Variants in SEPTIN10 observed in about 807,000 individuals in gnomAD.
The protein encoded by SEPTIN10 is septin-10.
SEPTIN10 carries 66 observed loss-of-function variants against 54.8 expected under a neutral mutation model. The observed-to-expected ratio is 1.21, with a 90% confidence interval of 0.99 to 1.48. The LOEUF is 1.48. Ranked by LOEUF, SEPTIN10 falls within the 40% of genes most tolerant of loss-of-function variation. The pLI is 0.00. For missense variants in SEPTIN10, 620 were observed against 545.6 expected, an observed-to-expected ratio of 1.14 and a Z score of -1.36; for synonymous variants, 161 against 181.0, an observed-to-expected ratio of 0.89 and a Z score of 0.89.
intron 1 of SEPTIN10, among the ~76,000 whole-genome samples, chr2:109,597,964 C>T (rs1386346031): frequency 6.6e-6 from 1 of 152,234 alleles, no homozygotes; most frequent in Non-Finnish European, 1.5e-5. Context: ...TTTCCTTACC[C>T]TGCTGGGAAA....
chr2:109,590,483 G>C (rs1374554612), intron 2 of SEPTIN10, among the ~76,000 whole-genome samples: 1 of 151,748 alleles, frequency 6.6e-6, no homozygotes, highest in African/African-American at 2.4e-5. Flanking sequence ...CCAGGCTAGA[G>C]TGCAATGATG....
At chr2:109,602,831 A>C (rs1696936330) in intron 1 of SEPTIN10, among the ~76,000 whole-genome samples, 1 of 151,336 alleles carries the variant, frequency 6.6e-6, no homozygotes, top group Admixed American at 6.6e-5. Flanking sequence ...GCTGAAGAAA[A>C]GGGGAAGGAA....
intron 1 of SEPTIN10, among the ~76,000 whole-genome samples, chr2:109,594,515 T>C (rs1301099579): frequency 6.6e-6 from 1 of 152,194 alleles, no homozygotes; most frequent in Non-Finnish European, 1.5e-5. Context: ...CAGTAGTATT[T>C]AGATCTACCT....
chr2:109,566,488 A>G (rs189567606), intron 6 of SEPTIN10, among the ~76,000 whole-genome samples: 3 of 152,304 alleles, frequency 2.0e-5, no homozygotes. Context: ...TGAGGAAATT[A>G]CACATACACA....
At chr2:109,606,826 C>G (rs1265160303) in intron 1 of SEPTIN10, among the ~76,000 whole-genome samples, 1 of 151,792 alleles carries the variant, frequency 6.6e-6, no homozygotes, top group Non-Finnish European at 1.5e-5. Flanking sequence ...ACTACAGGCA[C>G]GCACCACTAG....
chr2:109,613,930 G>A lies in SEPTIN10; in HGVS notation c.-103C>T. 1 of 1,221,884 alleles carries A rather than the reference G, an allele frequency of 8.2e-7. No individual in the cohort carries two copies. Among genetic ancestry groups the A allele is most frequent in the Non-Finnish European group, 1.0e-6 (1 of 981,366 alleles). The allele number at this position is 1,221,884 out of a possible 1,614,324, so 75.7% of individuals were successfully genotyped here. A position where few individuals can be genotyped will look rare whatever the true frequency, so the allele number is the denominator to read the frequency against. On this transcript the variant is annotated 5_prime_UTR_variant, in exon 1 of 11. Transcript: ENST00000397712. The stretch of plus-strand genomic sequence containing the variant: ...GGCCGGAGGGCAGAAGCAACGGGCG[G>A]GGCGCGAGGCTAGGCTGCCTCCGCG...
intron 10 of SEPTIN10, chr2:109,545,641 A>G (rs1225259564): frequency 9.3e-6 from 14 of 1,505,078 alleles, no homozygotes; most frequent in African/African-American, 1.4e-5. Context: ...TCTTATGTCT[A>G]TAATTCCCCA....
chr2:109,574,487 TA>T, intron 5 of SEPTIN10, 93 bp downstream of exon 5: 1 of 629,128 alleles, frequency 1.6e-6, no homozygotes. Flanking sequence ...ATGCACAGGA[TA>T]AAAGTTACAA....
Position 109,574,724 on chromosome 2 carries a change from AG to A in SEPTIN10, c.456del (p.Tyr153IlefsTer6). The A allele has an allele frequency of 6.2e-7, 1 of 1,604,752 alleles. No individual in the cohort carries two copies. Among genetic ancestry groups the A allele is most frequent in the Non-Finnish European group, 8.5e-7 (1 of 1,175,628 alleles). The part of the protein sequence containing the change: ...IVDYIDAQFE[A>X]YLQEELKIKR... ...TTAATCTTCAGTTCTTCTTGGAGAT[AG>A]GCCTCAAACTGAGCATCTATGTAGT... On this transcript the variant is annotated frameshift_variant, in exon 5 of 11. Transcript: ENST00000397712. LOFTEE classifies it high-confidence loss of function.
chr2:109,584,474 C>CAAAAAAAAAAAAAAAA (rs71958517), intron 4 of SEPTIN10, among the ~76,000 whole-genome samples: 1 of 72,044 alleles, frequency 1.4e-5, no homozygotes, highest in Non-Finnish European at 2.6e-5. Flanking sequence ...GACTCTGTCT[C>CAAAAAAAAAAAAAAAA]AAAAAAAAAA....
chr2:109,574,570 C>A lies in SEPTIN10; in HGVS notation c.600+11G>T. The A allele has an allele frequency of 6.7e-7, 1 of 1,483,296 alleles. No individual in the cohort carries two copies. The highest frequency in any genetic ancestry group is 1.5e-5 in the South Asian group (1 of 65,006). The allele number at this position is 1,483,296 out of a possible 1,614,324, so 91.9% of individuals were successfully genotyped here. On this transcript the variant is annotated intron_variant, in intron 5 of 10. Transcript: ENST00000397712. ...TAAAGTATGGTAAGTTGATTCCTTT[C>A]CTCAACCCACCTTGCTGTCAAGGTT...
At chr2:109,608,334 A>G (rs1698474971) in intron 1 of SEPTIN10, among the ~76,000 whole-genome samples, 1 of 152,190 alleles carries the variant, frequency 6.6e-6, no homozygotes, top group Admixed American at 6.5e-5. Context: ...CTAATATTTC[A>G]CAATTTGTGA....
chr2:109,555,337 C>A lies in SEPTIN10; in HGVS notation c.1029-2118G>T, dbSNP rs547252402. 2.6e-5 allele frequency among the ~76,000 whole-genome samples: 4 copies of A among 152,238 alleles called. No homozygotes were observed. The South Asian group carries it at 8.3e-4, about 32-fold the overall frequency. ...GCCACACCAACCTGTTCATTGTTCC[C>A]AGAACGAACCTGGCATTTCAGGCTT... is the stretch of plus-strand genomic sequence containing the variant. On this transcript the variant is annotated intron_variant, in intron 8 of 10. Coordinates refer to ENST00000397712, the MANE Select transcript of SEPTIN10 (RefSeq NM_144710.5).
intron 1 of SEPTIN10, among the ~76,000 whole-genome samples, chr2:109,611,808 C>T (rs1699316744): frequency 6.6e-6 from 1 of 152,078 alleles, no homozygotes; most frequent in East Asian, 1.9e-4. Flanking sequence ...ATAAGAATGG[C>T]TAAATTAAAA....
rs182561989 is a variant in SEPTIN10, at chr2:109,577,965, C to T, written c.414-3198G>A. On this transcript the variant is annotated intron_variant, in intron 4 of 10. Coordinates refer to ENST00000397712, the MANE Select transcript of SEPTIN10 (RefSeq NM_144710.5). The stretch of plus-strand genomic sequence containing the variant: ...AATATATAATAGCAATCAGGAGAAG[C>T]GGTTAAATGAAATTTAACTGTTCTA... Among the ~76,000 whole-genome samples, 926 of 148,386 alleles carry T rather than the reference C, an allele frequency of 6.2e-3. 5 individuals are homozygous for T. The highest frequency in any genetic ancestry group is 0.01 in the Middle Eastern group (3 of 286).
At chr2:109,567,778 C>T (rs1193464590) in intron 6 of SEPTIN10, 37 bp downstream of exon 6, 2 of 1,521,514 alleles carry the variant, frequency 1.3e-6, no homozygotes, top group South Asian at 1.3e-5. Context: ...TTTATTTTCA[C>T]ATGGAAAACA....
At chr2:109,565,614 G>T (rs981341823) in intron 7 of SEPTIN10, 149 bp downstream of exon 7, 12 of 675,308 alleles carry the variant, frequency 1.8e-5, no homozygotes, top group Non-Finnish European at 2.6e-5. Context: ...GCTCTACACG[G>T]CCTCCAGACT....
At position 109,553,027 on chromosome 2, in the gene SEPTIN10, C is replaced by T. The variant is rs934065136; in HGVS notation, c.1161+60G>A. 9 of 1,569,274 alleles carry T rather than the reference C, an allele frequency of 5.7e-6. No individual in the cohort carries two copies. In the African/African-American group the frequency reaches 6.8e-5, roughly 12 times the overall value. On this transcript the variant is annotated intron_variant, in intron 9 of 10. Coordinates refer to ENST00000397712, the MANE Select transcript of SEPTIN10 (RefSeq NM_144710.5). The stretch of plus-strand genomic sequence containing the variant: ...CTCAAGCAAATTCTTGGAATAAATC[C>T]TCCAAATTAATAGGACATCTAAAAA...
intron 9 of SEPTIN10, 66 bp downstream of exon 9, chr2:109,553,021 T>A (rs1424381729): frequency 6.4e-7 from 1 of 1,561,876 alleles, no homozygotes; most frequent in Non-Finnish European, 8.7e-7. Flanking sequence ...ATTCTTGGAA[T>A]AAATCCTCCA....
Sources: allele counts gnomAD v4.1 joint callset (sites outside exome capture counted in the v4.1 genomes callset), GRCh38; gene constraint gnomAD v4.1.1; transcripts MANE v1.5; gene names NCBI Gene and HGNC (gene_info 2026-07-23, HGNC 2026-07-21).